The following IGSF3 variants were observed in gnomAD, a reference collection of about 807,000 sequenced individuals.
IGSF3 encodes the protein glu-Trp-Ile EWI motif-containing protein 3.
Under a neutral mutation model 114.4 loss-of-function variants are expected in IGSF3, and 23 were observed. The ratio of observed to expected loss-of-function variants is 0.20; its 90% confidence interval spans 0.14 to 0.28. The LOEUF (loss-of-function observed/expected upper bound fraction) is 0.28. Among genes scored for constraint, IGSF3 ranks in the 10% least tolerant of loss-of-function variants. The pLI is 1.00. For synonymous variants in IGSF3, 571 were observed against 645.2 expected, an observed-to-expected ratio of 0.88 and a Z score of 1.74; for missense variants, 1,172 against 1,591.5, an observed-to-expected ratio of 0.74 and a Z score of 4.48.
chr1:116,631,940 T>C (rs1647609561), intron 2 of IGSF3, among the ~76,000 whole-genome samples: 2 of 152,146 alleles, frequency 1.3e-5, no homozygotes, highest in South Asian at 2.1e-4. Flanking sequence ...CATTCAATCC[T>C]CCTCAACGTC....
rs1018805914 is a variant in IGSF3 at position 116,627,311 on chromosome 1, G to A, written c.44-10854C>T. 7.9e-5 allele frequency among the ~76,000 whole-genome samples: 12 copies of A among 152,220 alleles called. No individual in the cohort carries two copies. The highest frequency in any genetic ancestry group is 7.7e-4 in the East Asian group (4 of 5,182). ...GCAATTACTGTTGCTATTATTTTAC[G>A]CTTCATTTCTGGACCTAGGATACCC... On this transcript the variant is annotated intron_variant, in intron 2 of 10. Coordinates refer to ENST00000369486, the MANE Select transcript of IGSF3 (RefSeq NM_001007237.3). This position sits in a 1 kb window ranked among gnomAD's most constrained non-coding sequence, Gnocchi z 4.7.
Position 116,661,464 on chromosome 1 carries a change from T to C in IGSF3, c.43+4820A>G, listed in dbSNP as rs143871076. Among the ~76,000 whole-genome samples, 1,052 of 152,340 alleles carry C rather than the reference T, an allele frequency of 6.9e-3. 12 individuals carry two copies. Among genetic ancestry groups the C allele is most frequent in the African/African-American group, 0.024 (988 of 41,580 alleles). On this transcript the variant is annotated intron_variant, in intron 2 of 10. Coordinates refer to ENST00000369486, the MANE Select transcript of IGSF3 (RefSeq NM_001007237.3). The surrounding 1 kb of genome is among the most constrained non-coding windows in gnomAD (Gnocchi z 4.0). ...CATAAGCACTCTATAAACACTTTAA[T>C]ACTCACTGATAAAACCACAAAATGT... is the stretch of plus-strand genomic sequence containing the variant.
rs1647853044 is a variant in IGSF3, at chr1:116,636,826, T to G, written c.44-20369A>C. Among the ~76,000 whole-genome samples, 4 of 152,102 alleles carry G rather than the reference T, an allele frequency of 2.6e-5. No homozygotes were observed. In the South Asian group the frequency reaches 8.3e-4, roughly 32 times the overall value. ...AGTGTTGGGCAGTGTCCAGGAGTGT[T>G]TTTCTTCCTGGCTTTAAAACAAATT... On this transcript the variant is annotated intron_variant, in intron 2 of 10. Transcript: ENST00000369486. This position sits in a 1 kb window ranked among gnomAD's most constrained non-coding sequence, Gnocchi z 4.5.
In IGSF3 at chr1:116,594,605, A is replaced by G. The variant is rs1037128638; in HGVS notation, c.2029+5336T>C. On this transcript the variant is annotated intron_variant, in intron 7 of 10. Transcript: ENST00000369486. The surrounding 1 kb of genome is among the most constrained non-coding windows in gnomAD (Gnocchi z 5.2). ...TTTATAAAGACACTTGCCCAAGGTC[A>G]CACAGCTGGCTTAGTGGTAGAGCTG... 2.6e-5 allele frequency among the ~76,000 whole-genome samples: 4 copies of G among 152,204 alleles called. No individual in the cohort carries two copies. Among genetic ancestry groups the G allele is most frequent in the Non-Finnish European group, 5.9e-5 (4 of 68,032 alleles).
At chr1:116,656,892 C>A (rs1176924209) in intron 2 of IGSF3, among the ~76,000 whole-genome samples, 1 of 152,128 alleles carries the variant, frequency 6.6e-6, no homozygotes, top group Non-Finnish European at 1.5e-5. Context: ...TGTGCCACTG[C>A]ACTCCAGCCT....
At chr1:116,637,782 T>C (rs1395000487) in intron 2 of IGSF3, among the ~76,000 whole-genome samples, 1 of 152,244 alleles carries the variant, frequency 6.6e-6, no homozygotes, top group Non-Finnish European at 1.5e-5. Flanking sequence ...CTTGCCAACC[T>C]ACACACTTGC....
In IGSF3 at chr1:116,629,961, G is replaced by GC. The variant is rs1647481225; in HGVS notation, c.44-13505dup. Among the ~76,000 whole-genome samples, 2 of 152,190 alleles carry GC rather than the reference G, an allele frequency of 1.3e-5. No individual in the cohort carries two copies. Among genetic ancestry groups the GC allele is most frequent in the South Asian group, 4.1e-4 (2 of 4,830 alleles). ...ATCATCCTTTCAGGGTACAAGGAAG[G>GC]CACCTGAATGACAGATGGTTTGAGG... On this transcript the variant is annotated intron_variant, in intron 2 of 10. Coordinates refer to ENST00000369486, the MANE Select transcript of IGSF3 (RefSeq NM_001007237.3). The surrounding 1 kb of genome is among the most constrained non-coding windows in gnomAD (Gnocchi z 4.3).
In IGSF3 at chr1:116,610,733, C is replaced by CGG. The variant is rs1660988723; in HGVS notation, c.833-2403_833-2402insCC. On this transcript the variant is annotated intron_variant, in intron 4 of 10. Coordinates refer to ENST00000369486, the MANE Select transcript of IGSF3 (RefSeq NM_001007237.3). The surrounding 1 kb of genome is among the most constrained non-coding windows in gnomAD (Gnocchi z 4.3). ...TCACCTCTTACTGCTGCTGTTCTCCCAGGTCCTTTCCCATTTTTACCCCAT... is the reference window on the plus strand; with the variant it reads ...TCACCTCTTACTGCTGCTGTTCTCCCGGAGGTCCTTTCCCATTTTTACCCCAT... Among the ~76,000 whole-genome samples, 1 of 152,118 alleles carries CGG rather than the reference C, an allele frequency of 6.6e-6. No homozygotes were observed. Among genetic ancestry groups the CGG allele is most frequent in the Non-Finnish European group, 1.5e-5 (1 of 68,022 alleles).
rs560064863 is a variant in IGSF3, at chr1:116,649,879, G to A, written c.43+16405C>T. ...GAATTAGTCAGGACATAATCTCCCTGTTTTTTGGCAGCGCCACATCCACAC... is the reference window on the plus strand; with the variant it reads ...GAATTAGTCAGGACATAATCTCCCTATTTTTTGGCAGCGCCACATCCACAC... On this transcript the variant is annotated intron_variant, in intron 2 of 10. Transcript: ENST00000369486. The surrounding 1 kb of genome is among the most constrained non-coding windows in gnomAD (Gnocchi z 4.5). 6.6e-6 allele frequency among the ~76,000 whole-genome samples: 1 copy of A among 152,242 alleles called. No individual in the cohort carries two copies. Among genetic ancestry groups the A allele is most frequent in the African/African-American group, 2.4e-5 (1 of 41,538 alleles).
intron 2 of IGSF3, among the ~76,000 whole-genome samples, chr1:116,640,071 AAAGG>A (rs1414535137): frequency 2.7e-5 from 4 of 149,196 alleles, no homozygotes; most frequent in African/African-American, 5.1e-5. Context: ...AGAAAGAAAG[AAAGG>A]AAGGAAGAAG....
At chr1:116,640,158 CACATG>C (rs1648027489) in intron 2 of IGSF3, among the ~76,000 whole-genome samples, 1 of 151,838 alleles carries the variant, frequency 6.6e-6, no homozygotes, top group Admixed American at 6.6e-5. Flanking sequence ...AAAATGACAT[CACATG>C]ACAACAGCAG....
chr1:116,591,944 T>G (rs1660130486), intron 7 of IGSF3, among the ~76,000 whole-genome samples: 1 of 152,200 alleles, frequency 6.6e-6, no homozygotes, highest in Non-Finnish European at 1.5e-5. Flanking sequence ...TAAAAAGAGT[T>G]TAGCACAGAA....
At chr1:116,646,313 C>T (rs1460402243) in intron 2 of IGSF3, among the ~76,000 whole-genome samples, 2 of 152,078 alleles carry the variant, frequency 1.3e-5, no homozygotes, top group Non-Finnish European at 2.9e-5. Flanking sequence ...ACGCCATTAT[C>T]GTTATTTTTA....
In IGSF3 at chr1:116,614,020, C is replaced by A. The variant is rs1008133055; in HGVS notation, c.577G>T (p.Val193Leu). The change falls in exon 4 of 11, where the codon GTG becomes TTG. Residue 193 changes from valine (V) to leucine (L), a missense_variant. Coordinates refer to ENST00000369486, the MANE Select transcript of IGSF3 (RefSeq NM_001007237.3). This position sits in a 1 kb window ranked among gnomAD's most constrained non-coding sequence, Gnocchi z 4.5. ...TCTCGGCTCAGGGAGATGACCTCCA[C>A]GGGCTTCTCGCCAACTTTCTGCCGG... Reference protein sequence around the residue: ...WLRQKVGEKPVEVISLSRDFM... With the variant: ...WLRQKVGEKPLEVISLSRDFM... 6.2e-7 allele frequency: 1 copy of A among 1,613,950 alleles called. No individual in the cohort carries two copies. The highest frequency in any genetic ancestry group is 2.2e-5 in the East Asian group (1 of 44,900).
Position 116,658,924 on chromosome 1 carries a change from C to T in IGSF3, c.43+7360G>A, listed in dbSNP as rs565489510. Reference sequence around the variant, plus strand: ...GATGACCTCTCCTAGAGGGCAGGGACGGGTGGTGTTCGGCAAAGCCTTGGT... The same window carrying T: ...GATGACCTCTCCTAGAGGGCAGGGATGGGTGGTGTTCGGCAAAGCCTTGGT... On this transcript the variant is annotated intron_variant, in intron 2 of 10. Coordinates refer to ENST00000369486, the MANE Select transcript of IGSF3 (RefSeq NM_001007237.3). Among the ~76,000 whole-genome samples the T allele has an allele frequency of 4.6e-4, 70 of 152,232 alleles. No individual in the cohort carries two copies. In the South Asian group the frequency reaches 1.0e-2, roughly 22 times the overall value.
At chr1:116,658,931 T>C (rs1648996270) in intron 2 of IGSF3, among the ~76,000 whole-genome samples, 2 of 152,132 alleles carry the variant, frequency 1.3e-5, no homozygotes, top group Admixed American at 6.5e-5. Flanking sequence ...GGACGGGTGG[T>C]GTTCGGCAAA....
Position 116,664,364 on chromosome 1 carries a change from G to C in IGSF3, c.43+1920C>G, listed in dbSNP as rs183689549. On this transcript the variant is annotated intron_variant, in intron 2 of 10. Transcript: ENST00000369486. This position sits in a 1 kb window ranked among gnomAD's most constrained non-coding sequence, Gnocchi z 4.6. The stretch of plus-strand genomic sequence containing the variant: ...TCCACTCCACAGAGTGGCCCAGAGA[G>C]CGAACAGCAGGGGGACCAGCATGCA... Among the ~76,000 whole-genome samples, 24 of 152,334 alleles carry C rather than the reference G, an allele frequency of 1.6e-4. No homozygotes were observed. Among genetic ancestry groups the C allele is most frequent in the African/African-American group, 5.8e-4 (24 of 41,572 alleles).
rs955300564 is a variant in IGSF3 at position 116,665,603 on chromosome 1, A to T, written c.43+681T>A. 2.0e-5 allele frequency among the ~76,000 whole-genome samples: 3 copies of T among 152,244 alleles called. No homozygotes were observed. The highest frequency in any genetic ancestry group is 7.2e-5 in the African/African-American group (3 of 41,554). On this transcript the variant is annotated intron_variant, in intron 2 of 10. Transcript: ENST00000369486. The surrounding 1 kb of genome is among the most constrained non-coding windows in gnomAD (Gnocchi z 4.0). ...TCAAAGGTTCACCTCTCAGGGCCAT[A>T]GTTTCTTCTTCCCACTCTAGGCATT...
In IGSF3 at chr1:116,615,967, T is replaced by C. The variant is rs1413090621; in HGVS notation, c.421+113A>G. The C allele has an allele frequency of 1.3e-5, 10 of 780,326 alleles. No individual in the cohort carries two copies. The highest frequency in any genetic ancestry group is 8.1e-5 in the South Asian group (4 of 49,494). 48.3% of individuals were successfully genotyped at this position (780,326 alleles called of 1,614,324 possible). On this transcript the variant is annotated intron_variant, in intron 3 of 10. Transcript: ENST00000369486. The surrounding 1 kb of genome is among the most constrained non-coding windows in gnomAD (Gnocchi z 4.3). The stretch of plus-strand genomic sequence containing the variant: ...GCTATCTGTTGACCCCTAAAATATG[T>C]TGGGAGTTTTGGGATTTTTTTTAAA...
Sources: gnomAD v4.1 joint callset for allele counts (sites outside exome capture counted in the v4.1 genomes callset) on GRCh38, gnomAD v4.1.1 for gene constraint, Gnocchi (gnomAD v3.1) non-coding constraint, MANE v1.5 for transcripts, NCBI Gene and HGNC (gene_info 2026-07-23, HGNC 2026-07-21) for gene names.